The following HACD4 variants were observed in gnomAD, a reference collection of about 807,000 sequenced individuals.
HACD4 encodes the protein very-long-chain (3R)-3-hydroxyacyl-CoA dehydratase 4.
HACD4 carries 35 observed loss-of-function variants against 33.3 expected under a neutral mutation model. The ratio of observed to expected loss-of-function variants is 1.05; its 90% confidence interval spans 0.80 to 1.39. The LOEUF (loss-of-function observed/expected upper bound fraction) is 1.39. Ranked by LOEUF, HACD4 falls within the 40% of genes most tolerant of loss-of-function variation. The pLI, the probability that HACD4 is intolerant of heterozygous loss-of-function variation, is 0.00. For missense variants in HACD4, 323 were observed against 276.5 expected (o/e 1.17, Z -1.19); for synonymous variants, 118 against 98.0 (o/e 1.20, Z -1.21).
At chr9:21,017,274 T>A (rs1842579069) in intron 3 of HACD4, among the ~76,000 whole-genome samples, 1 of 152,258 alleles carries the variant, frequency 6.6e-6, no homozygotes, top group Non-Finnish European at 1.5e-5. Flanking sequence ...TCCACGTGTA[T>A]AAGCTATATC....
Position 21,007,041 on chromosome 9 carries a change from A to T in HACD4, c.695T>A (p.Met232Lys), listed in dbSNP as rs771335379. The change falls in exon 7 of 7, where the codon ATG becomes AAG. Residue 232 changes from methionine (M) to lysine (K), a missense_variant. Physicochemically the swap from Met to Lys is moderately conservative, Grantham distance 95. Transcript: ENST00000495827. ...LGIFPIKKKK[M>K] is the part of the protein sequence containing the mutation. ...GTCACACTGGAATGCTGTACTTCAC[A>T]TCTTCTTTTTTTTAATGGGAAAGAT... 4.5e-6 allele frequency: 7 copies of T among 1,553,766 alleles called. No individual in the cohort carries two copies. The Admixed American group carries it at 1.0e-4, about 22-fold the overall frequency.
Position 21,010,462 on chromosome 9 carries a change from C to G in HACD4, c.490+1127G>C, listed in dbSNP as rs1000715939. 2.0e-3 allele frequency among the ~76,000 whole-genome samples: 256 copies of G among 127,388 alleles called. 20 individuals carry two copies. Among genetic ancestry groups the G allele is most frequent in the African/African-American group, 7.0e-3 (223 of 31,938 alleles). 83.6% of individuals were successfully genotyped at this position (127,388 alleles called of 152,430 possible). A position where few individuals can be genotyped will look rare whatever the true frequency, so the allele number is the denominator to read the frequency against. On this transcript the variant is annotated intron_variant, in intron 5 of 6. Transcript: ENST00000495827. The stretch of plus-strand genomic sequence containing the variant: ...CAGACTCAGACATCCTGGTACCCCC[C>G]CCCCCCCCAGAGCTTACAGTCTAGT...
At position 21,029,383 on chromosome 9, in the gene HACD4, C is replaced by T. The variant is rs79392110; in HGVS notation, c.54G>A (p.Ala18=). The T allele has an allele frequency of 2.4e-4, 376 of 1,579,726 alleles. 4 individuals are homozygous for T. In the East Asian group the frequency reaches 5.3e-3, roughly 22 times the overall value. Residue 18 remains alanine (A), a synonymous_variant, in exon 2 of 7, where the codon GCG becomes GCA. Coordinates refer to ENST00000495827, the MANE Select transcript of HACD4 (RefSeq NM_001010915.5). ...GGATTAAGTAATAGATGAAAAGATA[C>T]GCATTCTTCCTATACCTATAAATAC... The part of the protein sequence containing the change: ...AWLQPRYRKN[A]YLFIYYLIQF...
At chr9:21,013,066 C>CAAAA (rs570206944) in intron 4 of HACD4, among the ~76,000 whole-genome samples, 2 of 69,022 alleles carry the variant, frequency 2.9e-5, no homozygotes, top group African/African-American at 5.4e-5. Context: ...GACTCCATCT[C>CAAAA]AAAAAAAAAA....
At position 21,003,593 on chromosome 9, in the gene HACD4, G is replaced by A. The variant is rs1185794674; in HGVS notation, c.*3444C>T. 3 of 151,904 alleles carry A rather than the reference G, an allele frequency of 2.0e-5. 1 individual carries two copies. The highest frequency in any genetic ancestry group is 4.1e-4 in the South Asian group (2 of 4,820). 9.4% of individuals were successfully genotyped at this position (151,904 alleles called of 1,614,324 possible). On this transcript the variant is annotated 3_prime_UTR_variant, in exon 7 of 7. Transcript: ENST00000495827. ...AATACTCAATTGTTTCTTTCCAAAT[G>A]TTTTCTTTAGTGGAAATAAGTTACC...
chr9:21,011,747 A>C, intron 4 of HACD4, 52 bp from the exon 5 acceptor site: 2 of 920,114 alleles, frequency 2.2e-6, no homozygotes, highest in Non-Finnish European at 3.5e-6. Flanking sequence ...ATATCTGGGA[A>C]ATAGGAGAAA....
At chr9:21,031,520 C>G (rs1477025329) in intron 1 of HACD4, 33 bp downstream of exon 1, 1 of 1,458,278 alleles carries the variant, frequency 6.9e-7, no homozygotes, top group Non-Finnish European at 9.0e-7. Flanking sequence ...CCACCCGCGC[C>G]CCCTCCCCTC....
rs1362118222 is a variant in HACD4, at chr9:21,015,839, C to T, written c.383+59G>A. 4.0e-6 allele frequency: 4 copies of T among 994,916 alleles called. No individual in the cohort carries two copies. The African/African-American group carries it at 4.8e-5, about 12-fold the overall frequency. 61.6% of individuals were successfully genotyped at this position (994,916 alleles called of 1,614,324 possible). On this transcript the variant is annotated intron_variant, in intron 4 of 6. Transcript: ENST00000495827. ...AAGTAACCTCTGGTTACTGCTAGTA[C>T]TGGTTTCACTGCAGAAAGCAATTTA...
chr9:21,010,877 G>C (rs184434849), intron 5 of HACD4, among the ~76,000 whole-genome samples: 1 of 151,986 alleles, frequency 6.6e-6, no homozygotes, highest in Non-Finnish European at 1.5e-5. Flanking sequence ...TTCACAACAG[G>C]GTTTGTGCTC....
intron 1 of HACD4, among the ~76,000 whole-genome samples, chr9:21,029,813 G>A (rs926157708): frequency 3.9e-5 from 6 of 152,188 alleles, no homozygotes; most frequent in African/African-American, 9.6e-5. Flanking sequence ...GTGGAGTACC[G>A]GTTGTTTACC....
rs977141846 is a variant in HACD4 at position 21,004,575 on chromosome 9, C to T, written c.*2462G>A. 6.6e-6 allele frequency: 1 copy of T among 152,276 alleles called. No homozygotes were observed. Among genetic ancestry groups the T allele is most frequent in the Non-Finnish European group, 1.5e-5 (1 of 68,122 alleles). The allele number at this position is 152,276 out of a possible 1,614,324, so 9.4% of individuals were successfully genotyped here. A position where few individuals can be genotyped will look rare whatever the true frequency, so the allele number is the denominator to read the frequency against. ...TAGCAAGAAGGCATTCATCTGCAAA[C>T]CATGAAGAAGAATCAGCTAGCACCT... is the stretch of plus-strand genomic sequence containing the variant. On this transcript the variant is annotated 3_prime_UTR_variant, in exon 7 of 7. Transcript: ENST00000495827. This position sits in a 1 kb window ranked among gnomAD's most constrained non-coding sequence, Gnocchi z 4.6.
At chr9:21,019,527 T>C (rs940522326) in intron 3 of HACD4, among the ~76,000 whole-genome samples, 9 of 152,202 alleles carry the variant, frequency 5.9e-5, no homozygotes, top group African/African-American at 1.9e-4. Context: ...AAATAAGTAT[T>C]TAAATATACT....
chr9:21,031,447 C>T, intron 1 of HACD4, 106 bp downstream of exon 1: 1 of 1,341,046 alleles, frequency 7.5e-7, no homozygotes, highest in South Asian at 1.8e-5. Context: ...CTGCGCCTTG[C>T]TGGCGGGCGG....
intron 3 of HACD4, among the ~76,000 whole-genome samples, chr9:21,019,165 C>T (rs753063960): frequency 8.6e-5 from 13 of 152,006 alleles, no homozygotes; most frequent in African/African-American, 7.2e-5. Context: ...TTATTGAGTG[C>T]ACTGTTCTGG....
At chr9:21,010,387 T>G (rs1195710473) in intron 5 of HACD4, among the ~76,000 whole-genome samples, 1 of 150,670 alleles carries the variant, frequency 6.6e-6, no homozygotes, top group Non-Finnish European at 1.5e-5. Flanking sequence ...CATTCTGTGT[T>G]CATTGAGCAT....
chr9:21,019,773 C>T (rs953176730), intron 3 of HACD4, among the ~76,000 whole-genome samples: 2 of 152,042 alleles, frequency 1.3e-5, no homozygotes. Flanking sequence ...TGTTACAACT[C>T]AACACTGTCT....
At chr9:21,025,372 C>G (rs959036062) in intron 3 of HACD4, among the ~76,000 whole-genome samples, 12 of 149,962 alleles carry the variant, frequency 8.0e-5, no homozygotes, top group Admixed American at 3.4e-4. Context: ...GGATCTATAC[C>G]ACTCTTTCAT....
In HACD4 at chr9:21,026,716, C is replaced by A; in HGVS notation, c.150G>T (p.Met50Ile). Reference sequence around the variant, plus strand: ...GTCCAATAGCATAAAAAGTGTCAACCATTGAATCTGTATCCCGTGGGTTAA... The same window carrying A: ...GTCCAATAGCATAAAAAGTGTCAACAATTGAATCTGTATCCCGTGGGTTAA... Reference protein sequence around the residue: ...VRFFSFGKDSMVDTFYAIGLV... With the variant: ...VRFFSFGKDSIVDTFYAIGLV... Residue 50 changes from methionine (M) to isoleucine (I), a missense_variant, in exon 3 of 7, where the codon ATG becomes ATT. By Grantham distance (10) the Met-to-Ile change is conservative. Coordinates refer to ENST00000495827, the MANE Select transcript of HACD4 (RefSeq NM_001010915.5). 6.2e-7 allele frequency: 1 copy of A among 1,613,252 alleles called. No individual in the cohort carries two copies. The highest frequency in any genetic ancestry group is 8.5e-7 in the Non-Finnish European group (1 of 1,179,554).
intron 5 of HACD4, among the ~76,000 whole-genome samples, chr9:21,010,456 A>ATTCCCCCCCCCCC (rs1353043927): frequency 9.5e-6 from 1 of 105,006 alleles, no homozygotes; most frequent in African/African-American, 4.4e-5. Flanking sequence ...ACATCCTGGT[A>ATTCCCCCCCCCCC]CCCCCCCCCC....
Sources: gnomAD v4.1 joint callset for allele counts (sites outside exome capture counted in the v4.1 genomes callset) on GRCh38, gnomAD v4.1.1 for gene constraint, Gnocchi (gnomAD v3.1) non-coding constraint, MANE v1.5 for transcripts, NCBI Gene and HGNC (gene_info 2026-07-23, HGNC 2026-07-21) for gene names.